SYNE2: variants seen among roughly 807,000 people sequenced by gnomAD.
SYNE2 encodes the protein nesprin-2.
A neutral mutation model predicts 856.3 loss-of-function variants in SYNE2; 431 were observed. That is an observed-to-expected ratio of 0.50 (90% CI 0.47 to 0.55). SYNE2 has a LOEUF of 0.55. SYNE2 is among the 20% of genes least tolerant of loss of function. The pLI, the probability that SYNE2 is intolerant of heterozygous loss-of-function variation, is 0.00. For missense variants in SYNE2, 8,129 were observed against 8,023.2 expected, an observed-to-expected ratio of 1.01 and a Z score of -0.50; for synonymous variants, 2,923 against 2,872.3, an observed-to-expected ratio of 1.02 and a Z score of -0.56.
chr14:64,142,165 A>G (rs1201241994), intron 82 of SYNE2, 77 bp downstream of exon 82: 17 of 1,540,684 alleles, frequency 1.1e-5, no homozygotes, highest in South Asian at 2.3e-5. Flanking sequence ...GGACAAAGGG[A>G]CACATAGGAT....
chr14:63,763,811 C>T (rs1041483503), intron 1 of SYNE2, among the ~76,000 whole-genome samples: 4 of 152,138 alleles, frequency 2.6e-5, no homozygotes, highest in East Asian at 1.9e-4. Context: ...ACCACAAGAG[C>T]GCATGCCCTC....
intron 101 of SYNE2, 52 bp from the exon 102 acceptor site, chr14:64,209,376 A>G (rs753915123): frequency 4.7e-5 from 76 of 1,613,864 alleles, no homozygotes; most frequent in Middle Eastern, 1.6e-4. Flanking sequence ...AGAAGTGCAA[A>G]AGCACAGGCT....
At chr14:64,221,450 G>A (rs1490448287) in intron 111 of SYNE2, 126 bp from the exon 112 acceptor site, 38 of 1,564,506 alleles carry the variant, frequency 2.4e-5, no homozygotes, top group East Asian at 6.7e-5. Flanking sequence ...GCTGGTCCTC[G>A]TATTCAGTGG....
At chr14:64,086,063 A>G (rs993319672) in intron 57 of SYNE2, among the ~76,000 whole-genome samples, 5 of 152,150 alleles carry the variant, frequency 3.3e-5, no homozygotes, top group Non-Finnish European at 7.4e-5. Context: ...TTTGTGTTGC[A>G]TTCTAAGAAA....
intron 96 of SYNE2, among the ~76,000 whole-genome samples, chr14:64,184,358 G>GTGTGTGTGTGTA (rs989630777): frequency 1.3e-5 from 2 of 150,842 alleles, no homozygotes; most frequent in African/African-American, 4.9e-5. Context: ...GTGTGTGTGT[G>GTGTGTGTGTGTA]TGTGTATGTG....
chr14:63,941,682 T>C lies in SYNE2; in HGVS notation c.142-13T>C. On this transcript the variant is annotated splice_polypyrimidine_tract_variant and intron_variant, in intron 3 of 115. Coordinates refer to ENST00000555002, the MANE Select transcript of SYNE2 (RefSeq NM_182914.3). ...AAAGTTTGAATGATTATTTTTCTTGTGACCTTCTGCAGCACACTTCTCCCT... is the reference window on the plus strand; with the variant it reads ...AAAGTTTGAATGATTATTTTTCTTGCGACCTTCTGCAGCACACTTCTCCCT... 1 of 1,609,576 alleles carries C rather than the reference T, an allele frequency of 6.2e-7. No homozygotes were observed.
chr14:63,904,685 T>C (rs145116512), intron 1 of SYNE2, among the ~76,000 whole-genome samples: 2 of 152,318 alleles, frequency 1.3e-5, no homozygotes, highest in African/African-American at 4.8e-5. Flanking sequence ...TGTTGATTTC[T>C]TTAAGATCCT....
intron 1 of SYNE2, among the ~76,000 whole-genome samples, chr14:63,863,221 C>T (rs1012097327): frequency 3.3e-5 from 5 of 151,798 alleles, no homozygotes; most frequent in Non-Finnish European, 5.9e-5. Context: ...TTTAAAAATC[C>T]GTTCGTCTTA....
chr14:64,092,196 T>C (rs2097625716), intron 60 of SYNE2, among the ~76,000 whole-genome samples: 2 of 152,230 alleles, frequency 1.3e-5, no homozygotes, highest in South Asian at 4.1e-4. Flanking sequence ...GTCCTAACTA[T>C]GCTTTCAAGT....
intron 1 of SYNE2, among the ~76,000 whole-genome samples, chr14:63,884,416 A>C (rs2094935188): frequency 6.6e-6 from 1 of 152,172 alleles, no homozygotes. Context: ...CCTACTTTGC[A>C]TCAGACTTGA....
At chr14:64,153,156 T>C (rs2098258019) in intron 85 of SYNE2, among the ~76,000 whole-genome samples, 1 of 152,210 alleles carries the variant, frequency 6.6e-6, no homozygotes, top group Non-Finnish European at 1.5e-5. Flanking sequence ...CCAGGAGGAC[T>C]CTAAAGTTTG....
At chr14:63,992,692 A>G (rs564530769) in intron 21 of SYNE2, among the ~76,000 whole-genome samples, 3 of 152,214 alleles carry the variant, frequency 2.0e-5, no homozygotes, top group African/African-American at 4.8e-5. Flanking sequence ...CATTTAGTCA[A>G]GTGGATACAC....
intron 95 of SYNE2, 136 bp downstream of exon 95, chr14:64,175,274 C>A: frequency 2.1e-6 from 2 of 941,386 alleles, no homozygotes; most frequent in Admixed American, 2.3e-5. Context: ...ATCTGTAAGT[C>A]ATGCCAGTTA....
At chr14:63,856,851 AG>A (rs1449605945) in intron 1 of SYNE2, among the ~76,000 whole-genome samples, 1 of 152,040 alleles carries the variant, frequency 6.6e-6, no homozygotes, top group Non-Finnish European at 1.5e-5. Context: ...GGCTCACTGT[AG>A]CCTCTACCTC....
At chr14:63,910,682 A>G (rs1406449260) in intron 2 of SYNE2, among the ~76,000 whole-genome samples, 1 of 152,150 alleles carries the variant, frequency 6.6e-6, no homozygotes. Context: ...TGGAGGAGAG[A>G]TTTCATCTTT....
intron 1 of SYNE2, among the ~76,000 whole-genome samples, chr14:63,839,865 G>A (rs1889989165): frequency 6.6e-6 from 1 of 152,162 alleles, no homozygotes; most frequent in South Asian, 2.1e-4. Flanking sequence ...TCTTCTGAAA[G>A]TGTTAACATT....
intron 63 of SYNE2, chr14:64,099,168 T>G (rs538448680): frequency 3.2e-6 from 1 of 313,492 alleles, no homozygotes; most frequent in African/African-American, 2.2e-5. Flanking sequence ...TTTTCCGCAT[T>G]TCAATTACTC....
At chr14:64,057,017 G>A (rs964365819) in intron 49 of SYNE2, among the ~76,000 whole-genome samples, 5 of 151,496 alleles carry the variant, frequency 3.3e-5, no homozygotes, top group African/African-American at 9.7e-5. Flanking sequence ...GAGTTTATAG[G>A]TATATATATT....
In SYNE2 at chr14:64,134,140, C is replaced by G. The variant is rs779659277; in HGVS notation, c.14586C>G (p.Pro4862=). The G allele has an allele frequency of 4.3e-6, 7 of 1,613,880 alleles. No individual in the cohort carries two copies. The highest frequency in any genetic ancestry group is 4.5e-5 in the East Asian group (2 of 44,868). ...KDLEILISTL[P]SVSLVEETEE... ...TGGAAATTCTTATATCTACATTGCC[C>G]TCTGTGAGTTTGGTGGAAGAAACAG... Residue 4862 remains proline (P), a synonymous_variant, in exon 78 of 116, where the codon CCC becomes CCG. Coordinates refer to ENST00000555002, the MANE Select transcript of SYNE2 (RefSeq NM_182914.3).
Sources: gnomAD v4.1 joint callset for allele counts (sites outside exome capture counted in the v4.1 genomes callset) on GRCh38, gnomAD v4.1.1 for gene constraint, MANE v1.5 for transcripts, NCBI Gene and HGNC (gene_info 2026-07-23, HGNC 2026-07-21) for gene names.